Variants in COL5A1 observed in about 807,000 individuals in gnomAD.
COL5A1 encodes the protein collagen alpha-1(V) chain.
Under a neutral mutation model 263.7 loss-of-function variants are expected in COL5A1, and 16 were observed. The observed-to-expected ratio is 0.06, with a 90% CI of 0.04 to 0.09. The LOEUF is 0.09. COL5A1 is among the 10% of genes least tolerant of loss of function. The probability of loss-of-function intolerance (pLI) is 1.00; values close to 1 mark genes in which losing one functional copy is unlikely to be tolerated. For missense variants in COL5A1, 2,036 were observed against 2,540.5 expected (o/e 0.80, Z 4.27); for synonymous variants, 1,012 against 1,004.5 (o/e 1.01, Z -0.14).
intron 4 of COL5A1, among the ~76,000 whole-genome samples, chr9:134,710,455 G>A (rs577644295): frequency 2.0e-5 from 3 of 151,894 alleles, no homozygotes; most frequent in Non-Finnish European, 4.4e-5. Context: ...TCTGTTGGGT[G>A]CAGTGGTGGG....
intron 32 of COL5A1, among the ~76,000 whole-genome samples, chr9:134,792,417 C>G (rs1262780185): frequency 1.3e-5 from 2 of 151,998 alleles, no homozygotes; most frequent in African/African-American, 4.8e-5. Context: ...GCTCTGTCAC[C>G]CAGGCTGGAA....
rs535341469 is a variant in COL5A1 at position 134,696,964 on chromosome 9, G to A, written c.278-2945G>A. Among the ~76,000 whole-genome samples, 7 of 152,044 alleles carry A rather than the reference G, an allele frequency of 4.6e-5. No individual in the cohort carries two copies. The highest frequency in any genetic ancestry group is 2.1e-4 in the South Asian group (1 of 4,798). On this transcript the variant is annotated intron_variant, in intron 2 of 65. Transcript: ENST00000371817. This position sits in a 1 kb window ranked among gnomAD's most constrained non-coding sequence, Gnocchi z 4.3. ...CGGGTGCCTGTAGTCCCAGCTACTC[G>A]GGAGGCTGAGGCAGGAGAATGGCGT... is the stretch of plus-strand genomic sequence containing the variant.
Position 134,842,242 on chromosome 9 carries a change from A to G in COL5A1, c.5456A>G (p.Asp1819Gly), listed in dbSNP as rs1830128761. The G allele has an allele frequency of 6.2e-7, 1 of 1,614,140 alleles. No individual in the cohort carries two copies. Among genetic ancestry groups the G allele is most frequent in the Non-Finnish European group, 8.5e-7 (1 of 1,180,034 alleles). Residue 1819 changes from aspartate to glycine, a missense_variant, in exon 66 of 66, where the codon GAC (aspartate) becomes GGC (glycine). Asp to Gly is a moderately conservative substitution (Grantham distance 94). Around this residue, in one of 3 missense-constraint regions of COL5A1, gnomAD observed 358 missense variants for 384.6 expected, o/e 0.93. Transcript: ENST00000371817. This position sits in a 1 kb window ranked among gnomAD's most constrained non-coding sequence, Gnocchi z 5.8. ...CCCATCGTGGACATCATGTTCAATGACTTCGGTGAAGCGTCACAGAAATTT... is the reference window on the plus strand; with the variant it reads ...CCCATCGTGGACATCATGTTCAATGGCTTCGGTGAAGCGTCACAGAAATTT... ...QVPIVDIMFNDFGEASQKFGF... is the reference protein window; with the variant it reads ...QVPIVDIMFNGFGEASQKFGF...
chr9:134,781,043 T>C (rs542859024), intron 28 of COL5A1, among the ~76,000 whole-genome samples: 1 of 152,370 alleles, frequency 6.6e-6, no homozygotes, highest in East Asian at 1.9e-4. Context: ...GGTGCTGGCG[T>C]GATGGTCCAC....
chr9:134,779,131 A>T (rs892537864), intron 27 of COL5A1, among the ~76,000 whole-genome samples: 1 of 152,236 alleles, frequency 6.6e-6, no homozygotes, highest in Non-Finnish European at 1.5e-5. Flanking sequence ...CTTCAGCCTC[A>T]GCCTGGAATC....
chr9:134,728,060 C>A (rs958317578), intron 5 of COL5A1, among the ~76,000 whole-genome samples: 1 of 152,264 alleles, frequency 6.6e-6, no homozygotes, highest in South Asian at 2.1e-4. Context: ...CTCCTTGGGT[C>A]TTCCTTCTTT....
chr9:134,817,922 G>T, intron 54 of COL5A1, 91 bp downstream of exon 54: 1 of 1,339,452 alleles, frequency 7.5e-7, no homozygotes, highest in Non-Finnish European at 1.0e-6. Flanking sequence ...GGGCAGAGAT[G>T]TCCATGGAGG....
intron 4 of COL5A1, among the ~76,000 whole-genome samples, chr9:134,725,770 T>C (rs1279403646): frequency 2.0e-5 from 3 of 152,194 alleles, no homozygotes; most frequent in Non-Finnish European, 4.4e-5. Context: ...CGCCTTGTAG[T>C]GTGGGGCAGT....
chr9:134,810,128 A>G (rs1398226105), intron 43 of COL5A1, 127 bp from the exon 44 acceptor site: 1 of 968,070 alleles, frequency 1.0e-6, no homozygotes, highest in African/African-American at 1.6e-5. Flanking sequence ...ATTTATTCGT[A>G]GGAAAGTTTT....
intron 10 of COL5A1, 36 bp from the exon 11 acceptor site, chr9:134,738,710 A>G (rs1268027503): frequency 2.6e-6 from 4 of 1,552,194 alleles, no homozygotes; most frequent in African/African-American, 2.8e-5. Context: ...CTGCGGCCCC[A>G]TCTTCTAACT....
intron 1 of COL5A1, among the ~76,000 whole-genome samples, chr9:134,648,154 G>A (rs1210572989): frequency 1.3e-5 from 2 of 151,910 alleles, no homozygotes; most frequent in Non-Finnish European, 2.9e-5. Flanking sequence ...TGTGCTGGAC[G>A]CTTCCTGCCC....
chr9:134,814,347 G>A (rs1288483031), intron 49 of COL5A1, among the ~76,000 whole-genome samples: 2 of 152,210 alleles, frequency 1.3e-5, no homozygotes, highest in African/African-American at 4.8e-5. Context: ...TTGAGGGCCA[G>A]ACTAGGAATA....
At chr9:134,833,452 G>T (rs1479187581) in intron 64 of COL5A1, among the ~76,000 whole-genome samples, 1 of 152,198 alleles carries the variant, frequency 6.6e-6, no homozygotes, top group Non-Finnish European at 1.5e-5. Flanking sequence ...TTTCAGGGAG[G>T]ATCAGTGTCA....
At position 134,671,701 on chromosome 9, in the gene COL5A1, T is replaced by G. The variant is rs75657459; in HGVS notation, c.110-19211T>G. Among the ~76,000 whole-genome samples, 706 of 152,332 alleles carry G rather than the reference T, an allele frequency of 4.6e-3. 7 individuals are homozygous for G. Among genetic ancestry groups the G allele is most frequent in the African/African-American group, 0.016 (653 of 41,588 alleles). ...TTGAGTGGACAGAGAGGGGCTTTCA[T>G]TTGTAACTGGAAGTGTATTCCTTTT... On this transcript the variant is annotated intron_variant, in intron 1 of 65. Transcript: ENST00000371817.
rs188194985 is a variant in COL5A1 at position 134,642,008 on chromosome 9, C to A, written c.-180C>A. 0.012 allele frequency: 6,384 copies of A among 523,310 alleles called. 60 individuals carry two copies. The highest frequency in any genetic ancestry group is 0.019 in the Middle Eastern group (34 of 1,834). The allele number at this position is 523,310 out of a possible 1,614,324, so 32.4% of individuals were successfully genotyped here. A position where few individuals can be genotyped will look rare whatever the true frequency, so the allele number is the denominator to read the frequency against. On this transcript the variant is annotated 5_prime_UTR_variant, in exon 1 of 66. Transcript: ENST00000371817. This position sits in a 1 kb window ranked among gnomAD's most constrained non-coding sequence, Gnocchi z 4.5. The stretch of plus-strand genomic sequence containing the variant: ...CCCTCCCGCCCGTGGGCGAGCGCGC[C>A]AGCCGCCCCTTCCAGAACAGCCGCC...
In COL5A1 at chr9:134,642,832, G is replaced by C. The variant is rs1267523882; in HGVS notation, c.109+536G>C. On this transcript the variant is annotated intron_variant, in intron 1 of 65. Transcript: ENST00000371817. The surrounding 1 kb of genome is among the most constrained non-coding windows in gnomAD (Gnocchi z 4.5). ...CTGAGCTGGCGCCCTGCTTTCCCCA[G>C]GGACAGCGTTTCCTGCAGCCTTGGT... is the stretch of plus-strand genomic sequence containing the variant. Among the ~76,000 whole-genome samples, 1 of 152,230 alleles carries C rather than the reference G, an allele frequency of 6.6e-6. No homozygotes were observed. The highest frequency in any genetic ancestry group is 1.5e-5 in the Non-Finnish European group (1 of 68,042).
At chr9:134,737,460 G>C (rs12006141) in intron 9 of COL5A1, among the ~76,000 whole-genome samples, 1 of 152,202 alleles carries the variant, frequency 6.6e-6, no homozygotes, top group Non-Finnish European at 1.5e-5. Flanking sequence ...CCAGGTCCTA[G>C]CTTGCCTCAA....
At chr9:134,784,046 G>A (rs559004282) in intron 29 of COL5A1, among the ~76,000 whole-genome samples, 1 of 152,252 alleles carries the variant, frequency 6.6e-6, no homozygotes, top group East Asian at 1.9e-4. Context: ...GCAGGGGTGG[G>A]ACCCATCCTG....
intron 1 of COL5A1, among the ~76,000 whole-genome samples, chr9:134,657,755 C>T (rs981208577): frequency 1.4e-5 from 2 of 138,368 alleles, no homozygotes; most frequent in African/African-American, 5.5e-5. Flanking sequence ...CCAGGCCTGA[C>T]GGGGAAGGGC....
Sources: allele counts gnomAD v4.1 joint callset (sites outside exome capture counted in the v4.1 genomes callset), GRCh38; gene constraint gnomAD v4.1.1; regional missense constraint gnomAD v4.1.1; non-coding constraint Gnocchi (gnomAD v3.1); transcripts MANE v1.5; gene names NCBI Gene and HGNC (gene_info 2026-07-23, HGNC 2026-07-21).